Variants in SH3BP4 observed in about 807,000 individuals in gnomAD.
SH3BP4 encodes SH3 domain-binding protein 4.
Under a neutral mutation model 65.5 loss-of-function variants are expected in SH3BP4, and 33 were observed. The observed-to-expected ratio is 0.50, with a 90% CI of 0.38 to 0.67. The LOEUF (loss-of-function observed/expected upper bound fraction) is 0.67. Ranked by LOEUF, SH3BP4 falls within the 30% of genes least tolerant of loss-of-function variation. SH3BP4 has a pLI of 0.00. For missense variants in SH3BP4, 1,134 were observed against 1,261.4 expected (o/e 0.90, Z 1.53); for synonymous variants, 552 against 545.5 (o/e 1.01, Z -0.17).
chr2:235,011,281 A>G (rs1694496315), intron 2 of SH3BP4, among the ~76,000 whole-genome samples: 1 of 152,074 alleles, frequency 6.6e-6, no homozygotes, highest in South Asian at 2.1e-4. Context: ...AGTCTTCGTT[A>G]GCTTAAAGCC....
rs367855630 is a variant in SH3BP4, at chr2:235,042,050, C to T, written c.1281C>T (p.Ser427=). 7.4e-6 allele frequency: 12 copies of T among 1,613,968 alleles called. No homozygotes were observed. The highest frequency in any genetic ancestry group is 1.6e-4 in the Middle Eastern group (1 of 6,084). The change falls in exon 4 of 6, where the codon TCC becomes TCT. Residue 427 remains serine (S), a synonymous_variant. Transcript: ENST00000392011. The surrounding 1 kb of genome is among the most constrained non-coding windows in gnomAD (Gnocchi z 7.3). ...RSDSKEGPYV[S]VPLNCSCGDT... The stretch of plus-strand genomic sequence containing the variant: ...ACTCGAAGGAAGGGCCATATGTCTC[C>T]GTCCCGCTCAACTGCAGCTGTGGGG...
In SH3BP4 at chr2:235,035,143, T is replaced by C. The variant is rs373472301; in HGVS notation, c.118+23T>C. On this transcript the variant is annotated intron_variant, in intron 3 of 5. Coordinates refer to ENST00000392011, the MANE Select transcript of SH3BP4 (RefSeq NM_014521.3). The surrounding 1 kb of genome is among the most constrained non-coding windows in gnomAD (Gnocchi z 5.0). ...AAGGTGAGCTTCTGGGGAACAGGAC[T>C]GTGGCTAAGGGAGAACGTTGGGATT... 1.3e-6 allele frequency: 2 copies of C among 1,550,600 alleles called. No homozygotes were observed. The highest frequency in any genetic ancestry group is 2.2e-5 in the East Asian group (1 of 44,600).
intron 2 of SH3BP4, among the ~76,000 whole-genome samples, chr2:235,007,170 C>A (rs1319300464): frequency 6.6e-6 from 1 of 151,714 alleles, no homozygotes; most frequent in Non-Finnish European, 1.5e-5. Flanking sequence ...GTGGGAGAGT[C>A]CAGGTGAGAC....
intron 1 of SH3BP4, among the ~76,000 whole-genome samples, chr2:234,987,424 A>C (rs1052978137): frequency 1.3e-5 from 2 of 152,180 alleles, no homozygotes; most frequent in East Asian, 3.9e-4. Flanking sequence ...TGTACGTTAG[A>C]GCCCCATGTT....
chr2:235,012,035 T>C (rs927537036), intron 2 of SH3BP4, among the ~76,000 whole-genome samples: 3 of 152,216 alleles, frequency 2.0e-5, no homozygotes, highest in Non-Finnish European at 2.9e-5. Flanking sequence ...GGTCCTATTA[T>C]AGGGAAAGCA....
rs1695004871 is a variant in SH3BP4 at position 235,026,457 on chromosome 2, T to G, written c.-132-8414T>G. 6.6e-6 allele frequency among the ~76,000 whole-genome samples: 1 copy of G among 152,182 alleles called. No individual in the cohort carries two copies. Among genetic ancestry groups the G allele is most frequent in the Admixed American group, 6.5e-5 (1 of 15,284 alleles). ...AATGTGTGCAAGTTATAACCCGGTG[T>G]CTGGCACAGAGAACCTTAGCGCTCC... is the stretch of plus-strand genomic sequence containing the variant. On this transcript the variant is annotated intron_variant, in intron 2 of 5. Coordinates refer to ENST00000392011, the MANE Select transcript of SH3BP4 (RefSeq NM_014521.3). The surrounding 1 kb of genome is among the most constrained non-coding windows in gnomAD (Gnocchi z 4.6).
At chr2:234,969,949 C>T (rs555179168) in intron 1 of SH3BP4, among the ~76,000 whole-genome samples, 72 of 148,936 alleles carry the variant, frequency 4.8e-4, no homozygotes, top group African/African-American at 1.8e-3. Context: ...ACACACACTC[C>T]CTGTCTCTCA....
At chr2:235,017,722 C>T (rs1218296605) in intron 2 of SH3BP4, among the ~76,000 whole-genome samples, 1 of 152,148 alleles carries the variant, frequency 6.6e-6, no homozygotes, top group Non-Finnish European at 1.5e-5. Context: ...TGTGTCAGGC[C>T]CCCTCCCCTG....
chr2:235,005,099 G>A (rs1028381082), intron 2 of SH3BP4, among the ~76,000 whole-genome samples: 6 of 152,240 alleles, frequency 3.9e-5, no homozygotes, highest in Admixed American at 6.5e-5. Context: ...CTGCGAGGAA[G>A]CACTGCTTGT....
At position 235,053,768 on chromosome 2, in the gene SH3BP4, G is replaced by C. The variant is rs1040392649; in HGVS notation, c.2844G>C (p.Leu948=). Residue 948 remains leucine, a synonymous_variant, in exon 6 of 6, where the codon CTG becomes CTC. Transcript: ENST00000392011. ...TLILVNSLDV[L]RAAAFSPADQ... The stretch of plus-strand genomic sequence containing the variant: ...TCTTGGTGAACTCCCTGGACGTTCT[G>C]AGAGCAGCCGCCTTCAGCCCTGCGG... The C allele has an allele frequency of 5.6e-6, 9 of 1,614,090 alleles. No homozygotes were observed. In the African/African-American group the frequency reaches 8.0e-5, roughly 14 times the overall value.
intron 4 of SH3BP4, among the ~76,000 whole-genome samples, chr2:235,048,727 C>G (rs1695955982): frequency 6.6e-6 from 1 of 152,234 alleles, no homozygotes; most frequent in Non-Finnish European, 1.5e-5. Context: ...TCAGCCACAC[C>G]CATTCCCATC....
At chr2:235,018,630 T>A (rs1357052371) in intron 2 of SH3BP4, among the ~76,000 whole-genome samples, 1 of 152,196 alleles carries the variant, frequency 6.6e-6, no homozygotes, top group Non-Finnish European at 1.5e-5. Flanking sequence ...GTTTCCACAG[T>A]GAAGTACTTC....
intron 1 of SH3BP4, among the ~76,000 whole-genome samples, chr2:234,953,356 C>A (rs574477229): frequency 1.3e-5 from 2 of 152,266 alleles, no homozygotes; most frequent in Admixed American, 6.5e-5. Context: ...TTGCCTAAAC[C>A]AGAGAATCCC....
chr2:234,954,705 T>A (rs1256012313), intron 1 of SH3BP4, among the ~76,000 whole-genome samples: 1 of 152,236 alleles, frequency 6.6e-6, no homozygotes, highest in Non-Finnish European at 1.5e-5. Context: ...GATATGCGAA[T>A]GGTGAATGTG....
rs1395188907 is a variant in SH3BP4 at position 234,993,005 on chromosome 2, G to A, written c.-206-2298G>A. On this transcript the variant is annotated intron_variant, in intron 1 of 5. Transcript: ENST00000392011. Reference sequence around the variant, plus strand: ...TTCCTGCCATGTGGGCTCTGGGTCTGGGCAGCACCTGGCAGGCTTTGGAGT... The same window carrying A: ...TTCCTGCCATGTGGGCTCTGGGTCTAGGCAGCACCTGGCAGGCTTTGGAGT... Among the ~76,000 whole-genome samples, 4 of 152,376 alleles carry A rather than the reference G, an allele frequency of 2.6e-5. No individual in the cohort carries two copies. The East Asian group carries it at 7.7e-4, about 29-fold the overall frequency.
intron 1 of SH3BP4, among the ~76,000 whole-genome samples, chr2:234,962,747 C>CTT (rs555993781): frequency 6.8e-6 from 1 of 146,292 alleles, no homozygotes; most frequent in African/African-American, 2.5e-5. Flanking sequence ...GAATACTATG[C>CTT]TTTTTTTTTT....
chr2:234,974,694 C>G lies in SH3BP4; in HGVS notation c.-206-20609C>G, dbSNP rs1693115505. On this transcript the variant is annotated intron_variant, in intron 1 of 5. Coordinates refer to ENST00000392011, the MANE Select transcript of SH3BP4 (RefSeq NM_014521.3). The surrounding 1 kb of genome is among the most constrained non-coding windows in gnomAD (Gnocchi z 4.6). ...CATGCAGCCCGCGGCCCAGGGCGTT[C>G]ACAAGCTCTCTTAGTTCCGAAAAAT... is the stretch of plus-strand genomic sequence containing the variant. Among the ~76,000 whole-genome samples, 1 of 152,200 alleles carries G rather than the reference C, an allele frequency of 6.6e-6. No individual in the cohort carries two copies. The highest frequency in any genetic ancestry group is 1.5e-5 in the Non-Finnish European group (1 of 68,042).
intron 1 of SH3BP4, among the ~76,000 whole-genome samples, chr2:234,970,134 C>T (rs189169999): frequency 1.1e-4 from 17 of 152,284 alleles, no homozygotes; most frequent in Admixed American, 8.5e-4. Context: ...CTCTTACACA[C>T]ACACTCTCAC....
At chr2:235,053,328 A>G (rs7606553) in intron 5 of SH3BP4, among the ~76,000 whole-genome samples, 9,964 of 152,208 alleles carry the variant, frequency 0.065, 365 homozygotes, top group South Asian at 0.082. Context: ...TGCCATAAAG[A>G]TTGTAAGGAA....
Sources: allele counts gnomAD v4.1 joint callset (sites outside exome capture counted in the v4.1 genomes callset), GRCh38; gene constraint gnomAD v4.1.1; non-coding constraint Gnocchi (gnomAD v3.1); transcripts MANE v1.5; gene names NCBI Gene and HGNC (gene_info 2026-07-23, HGNC 2026-07-21).